Variants in ARHGAP28 observed in about 807,000 individuals in gnomAD.
ARHGAP28 encodes the protein Rho GTPase activating protein 28.
ARHGAP28 carries 56 observed loss-of-function variants against 90.7 expected under a neutral mutation model. That is an observed-to-expected ratio of 0.62 (90% CI 0.50 to 0.77). The LOEUF (loss-of-function observed/expected upper bound fraction) is 0.77, where lower values mean the gene tolerates loss of function less well. Ranked by LOEUF, ARHGAP28 falls within the 30% of genes least tolerant of loss-of-function variation. The pLI is 0.00. For synonymous variants in ARHGAP28, 308 were observed against 323.3 expected, an observed-to-expected ratio of 0.95 and a Z score of 0.51; for missense variants, 869 against 900.9, an observed-to-expected ratio of 0.96 and a Z score of 0.45.
chr18:6,736,717 A>T (rs1011500843), intron 1 of ARHGAP28, among the ~76,000 whole-genome samples: 14 of 146,832 alleles, frequency 9.5e-5, no homozygotes, highest in African/African-American at 3.5e-4. Flanking sequence ...ATTGCACTCC[A>T]GCCTGGGCAA....
chr18:6,824,770 T>A lies in ARHGAP28; in HGVS notation c.131T>A (p.Ile44Asn). 6.5e-7 allele frequency: 1 copy of A among 1,534,826 alleles called. No individual in the cohort carries two copies. The highest frequency in any genetic ancestry group is 1.2e-5 in the South Asian group (1 of 83,482). ...TATTATTCTTTCCTCAGAAAATCCA[T>A]TCCTCGCTGCCGAAGAATTAACAGG... is the stretch of plus-strand genomic sequence containing the variant. ...AASHPLSRKS[I>N]PRCRRINRML... The change falls in exon 2 of 18, where the codon ATT becomes AAT. Residue 44 changes from isoleucine (I) to asparagine (N), a missense_variant. Transcript: ENST00000383472.
intron 2 of ARHGAP28, among the ~76,000 whole-genome samples, chr18:6,831,192 A>G (rs960786917): frequency 6.6e-6 from 1 of 152,020 alleles, no homozygotes; most frequent in Non-Finnish European, 1.5e-5. Context: ...ATGATGTTGA[A>G]CTTTTTTCTT....
At chr18:6,863,959 A>G (rs1461508693) in intron 5 of ARHGAP28, among the ~76,000 whole-genome samples, 2 of 148,726 alleles carry the variant, frequency 1.3e-5, no homozygotes, top group African/African-American at 4.9e-5. Context: ...ATTTTTTTGT[A>G]TTTTTAGTAG....
chr18:6,856,636 A>G (rs2056956440), intron 4 of ARHGAP28, among the ~76,000 whole-genome samples: 1 of 152,114 alleles, frequency 6.6e-6, no homozygotes, highest in Non-Finnish European at 1.5e-5. Flanking sequence ...CAGCCTCTCA[A>G]GTAGCTGGGA....
At chr18:6,787,281 GA>G (rs143790742) in intron 1 of ARHGAP28, among the ~76,000 whole-genome samples, 3,958 of 106,802 alleles carry the variant, frequency 0.037, 154 homozygotes, top group African/African-American at 0.11. Flanking sequence ...TTGAGGATAA[GA>G]AAAAAAAAAA....
intron 14 of ARHGAP28, among the ~76,000 whole-genome samples, chr18:6,893,306 G>A (rs1274239730): frequency 6.6e-6 from 1 of 152,204 alleles, no homozygotes; most frequent in Non-Finnish European, 1.5e-5. Context: ...TGCCAGAAAT[G>A]CAGGCTGTTA....
At chr18:6,823,244 T>C (rs2056637838) in intron 1 of ARHGAP28, among the ~76,000 whole-genome samples, 1 of 152,068 alleles carries the variant, frequency 6.6e-6, no homozygotes, top group Non-Finnish European at 1.5e-5. Flanking sequence ...CCTCTGGAAG[T>C]AGCCATTCTG....
intron 1 of ARHGAP28, among the ~76,000 whole-genome samples, chr18:6,786,368 C>T (rs983212022): frequency 3.8e-4 from 58 of 151,874 alleles, no homozygotes; most frequent in African/African-American, 1.3e-3. Context: ...TATGCCAGTC[C>T]CAAAGGGATA....
rs187292874 is a variant in ARHGAP28, at chr18:6,898,445, C to T, written c.2030+1819C>T. 9.5e-5 allele frequency: 149 copies of T among 1,574,242 alleles called. 1 individual carries two copies. The East Asian group carries it at 3.3e-3, about 35-fold the overall frequency. ...TTCCACTTGCTCCAAGAATACTGCA[C>T]TGGCAGCGAGCTGCACTTTCCTTCC... On this transcript the variant is annotated intron_variant, in intron 16 of 17. Coordinates refer to ENST00000383472, the MANE Select transcript of ARHGAP28 (RefSeq NM_001366230.1).
Position 6,786,568 on chromosome 18 carries a change from T to C in ARHGAP28, c.123-38194T>C, listed in dbSNP as rs186318890. Among the ~76,000 whole-genome samples the C allele has an allele frequency of 2.6e-3, 390 of 152,244 alleles. 1 individual carries two copies. The highest frequency in any genetic ancestry group is 9.0e-3 in the African/African-American group (373 of 41,548). On this transcript the variant is annotated intron_variant, in intron 1 of 17. Coordinates refer to ENST00000383472, the MANE Select transcript of ARHGAP28 (RefSeq NM_001366230.1). ...CCACACGCCCCCCAGCATGCCTTTT[T>C]GGGGTGCGCTGACCACTTCATTCTT...
At chr18:6,758,596 T>A (rs2056132939) in intron 1 of ARHGAP28, among the ~76,000 whole-genome samples, 1 of 152,218 alleles carries the variant, frequency 6.6e-6, no homozygotes, top group Non-Finnish European at 1.5e-5. Flanking sequence ...AGTGCTGGGA[T>A]TACAGGCGTG....
intron 1 of ARHGAP28, among the ~76,000 whole-genome samples, chr18:6,783,364 C>G (rs144168052): frequency 6.6e-6 from 1 of 150,974 alleles, no homozygotes; most frequent in Non-Finnish European, 1.5e-5. Context: ...TGCAATGGCG[C>G]GATCTCAGCT....
At chr18:6,871,568 G>A (rs936616323) in intron 7 of ARHGAP28, among the ~76,000 whole-genome samples, 3 of 152,174 alleles carry the variant, frequency 2.0e-5, no homozygotes, top group African/African-American at 7.2e-5. Context: ...TATCCAGAAT[G>A]TTATATCCAG....
intron 9 of ARHGAP28, among the ~76,000 whole-genome samples, chr18:6,874,033 G>A (rs187349998): frequency 3.3e-5 from 5 of 152,212 alleles, no homozygotes; most frequent in Non-Finnish European, 1.5e-5. Context: ...AGACACAGAT[G>A]GTCTGACCCA....
chr18:6,859,674 C>T, intron 4 of ARHGAP28, 134 bp from the exon 5 acceptor site: 1 of 862,582 alleles, frequency 1.2e-6, no homozygotes, highest in Non-Finnish European at 1.8e-6. Context: ...CAGTTGGATG[C>T]AATTGTCCAT....
At chr18:6,780,865 C>A (rs2056318886) in intron 1 of ARHGAP28, among the ~76,000 whole-genome samples, 1 of 150,616 alleles carries the variant, frequency 6.6e-6, no homozygotes, top group African/African-American at 2.5e-5. Context: ...TGCACTCCAG[C>A]CTAGGCAACA....
At chr18:6,851,363 G>A (rs952802007) in intron 4 of ARHGAP28, among the ~76,000 whole-genome samples, 3 of 152,100 alleles carry the variant, frequency 2.0e-5, no homozygotes, top group Middle Eastern at 3.2e-3. Context: ...ATGGAAATGC[G>A]AAGAAAGCCA....
intron 2 of ARHGAP28, among the ~76,000 whole-genome samples, chr18:6,836,393 G>T (rs74637286): frequency 6.6e-6 from 1 of 152,180 alleles, no homozygotes; most frequent in Non-Finnish European, 1.5e-5. Flanking sequence ...ACCCAAGCAG[G>T]TTTCCCACCA....
chr18:6,791,362 T>A (rs2056405076), intron 1 of ARHGAP28: 1 of 152,164 alleles, frequency 6.6e-6, no homozygotes, highest in South Asian at 2.1e-4. Context: ...GCCCACTGAC[T>A]CAAGTATTAA....
Sources: gnomAD v4.1 joint callset for allele counts (sites outside exome capture counted in the v4.1 genomes callset) on GRCh38, gnomAD v4.1.1 for gene constraint, MANE v1.5 for transcripts, NCBI Gene and HGNC (gene_info 2026-07-23, HGNC 2026-07-21) for gene names.